The following SYN3 variants were observed in gnomAD, a reference collection of about 807,000 sequenced individuals.
SYN3 encodes synapsin-3.
Under a neutral mutation model 65.8 loss-of-function variants are expected in SYN3, and 35 were observed. That is an observed-to-expected ratio of 0.53 (90% CI 0.41 to 0.70). The LOEUF is 0.70. Ranked by LOEUF, SYN3 falls within the 30% of genes least tolerant of loss-of-function variation. SYN3 has a pLI of 0.00. For missense variants in SYN3, 680 were observed against 749.0 expected, an observed-to-expected ratio of 0.91 and a Z score of 1.08; for synonymous variants, 270 against 292.9, an observed-to-expected ratio of 0.92 and a Z score of 0.80.
intron 12 of SYN3, among the ~76,000 whole-genome samples, chr22:32,520,461 C>T (rs980004424): frequency 6.6e-6 from 1 of 151,996 alleles, no homozygotes; most frequent in Non-Finnish European, 1.5e-5. Flanking sequence ...AAACTGAGAC[C>T]CAGATATATT....
chr22:32,938,547 AAAAAGAAAAAGG>A (rs980070542), intron 3 of SYN3, among the ~76,000 whole-genome samples: 13 of 151,518 alleles, frequency 8.6e-5, no homozygotes, highest in African/African-American at 3.2e-4. Flanking sequence ...AAAAAAAAAG[AAAAAGAAAAAGG>A]AAAAGAAAAA....
At chr22:32,692,155 C>CAAAAAAAAAAAAAAAAAAAAAAGA (rs1188224009) in intron 6 of SYN3, among the ~76,000 whole-genome samples, 3 of 34,494 alleles carry the variant, frequency 8.7e-5, no homozygotes, top group Non-Finnish European at 1.3e-4. Context: ...GACAAAAAGA[C>CAAAAAAAAAAAAAAAAAAAAAAGA]AAAAAAAAAA....
At chr22:32,965,807 G>GC (rs996781876) in intron 3 of SYN3, among the ~76,000 whole-genome samples, 30 of 152,192 alleles carry the variant, frequency 2.0e-4, no homozygotes, top group Admixed American at 1.7e-3. Context: ...CCATTCTCCT[G>GC]CCTCAGCCTC....
At chr22:32,832,140 G>T (rs1314707525) in intron 6 of SYN3, among the ~76,000 whole-genome samples, 1 of 152,192 alleles carries the variant, frequency 6.6e-6, no homozygotes, top group Non-Finnish European at 1.5e-5. Flanking sequence ...CAGATCCCAG[G>T]CTGAGAAAGA....
chr22:32,757,926 G>A (rs189414138), intron 6 of SYN3, among the ~76,000 whole-genome samples: 27 of 152,300 alleles, frequency 1.8e-4, no homozygotes, highest in South Asian at 4.1e-4. Flanking sequence ...TACAAAATGC[G>A]TAGTAAAAGA....
Position 32,520,306 on chromosome 22 carries a change from C to CT in SYN3, c.1319-1973dup, listed in dbSNP as rs1204350525. Among the ~76,000 whole-genome samples, 260 of 145,056 alleles carry CT rather than the reference C, an allele frequency of 1.8e-3. 1 individual carries two copies. The highest frequency in any genetic ancestry group is 5.5e-3 in the African/African-American group (219 of 39,910). ...GCCCAACACCACTTTTTCTTTCTGC[C>CT]TTTTTTTTTTTGTAGAGATGGGGTG... On this transcript the variant is annotated intron_variant, in intron 12 of 13. Transcript: ENST00000358763.
chr22:32,989,577 G>A (rs182227108), intron 2 of SYN3, among the ~76,000 whole-genome samples: 2 of 152,286 alleles, frequency 1.3e-5, no homozygotes, highest in Admixed American at 1.3e-4. Flanking sequence ...GCTTATGCCT[G>A]TAATCCCAGC....
chr22:33,047,491 T>C (rs1392672888), intron 1 of SYN3, among the ~76,000 whole-genome samples: 1 of 152,160 alleles, frequency 6.6e-6, no homozygotes, highest in Non-Finnish European at 1.5e-5. Context: ...TTAATTCAGC[T>C]GTTGGTGCTT....
At chr22:32,743,156 T>C (rs2044825160) in intron 6 of SYN3, among the ~76,000 whole-genome samples, 1 of 152,226 alleles carries the variant, frequency 6.6e-6, no homozygotes, top group Non-Finnish European at 1.5e-5. Context: ...AGTTACCCCC[T>C]GAGTGAGTAT....
intron 3 of SYN3, among the ~76,000 whole-genome samples, chr22:32,948,150 A>G (rs749567034): frequency 2.9e-4 from 44 of 152,182 alleles, no homozygotes; most frequent in Non-Finnish European, 3.1e-4. Context: ...CCAGTATGAG[A>G]AAGTTCTCTG....
At chr22:32,572,279 C>CTT (rs2058772913) in intron 7 of SYN3, among the ~76,000 whole-genome samples, 1 of 104,248 alleles carries the variant, frequency 9.6e-6, no homozygotes, top group East Asian at 2.9e-4. Context: ...TCCCCCCTCC[C>CTT]TCCCTCCCTC....
chr22:32,767,374 T>C (rs2045655569), intron 6 of SYN3, among the ~76,000 whole-genome samples: 1 of 124,336 alleles, frequency 8.0e-6, no homozygotes, highest in Non-Finnish European at 1.6e-5. Flanking sequence ...TTCAAATGAT[T>C]GCTGGTGACT....
At chr22:32,949,716 C>CA (rs1340654628) in intron 3 of SYN3, among the ~76,000 whole-genome samples, 2 of 152,112 alleles carry the variant, frequency 1.3e-5, no homozygotes, top group Admixed American at 6.5e-5. Flanking sequence ...CTAATAATTG[C>CA]ATTTGCGATG....
chr22:32,867,499 T>C (rs1195678157), intron 5 of SYN3, among the ~76,000 whole-genome samples: 3 of 152,206 alleles, frequency 2.0e-5, no homozygotes, highest in African/African-American at 7.2e-5. Flanking sequence ...AATGAATGGA[T>C]AAATTTATCA....
Position 32,837,137 on chromosome 22 carries a change from G to A in SYN3, c.711+27778C>T, listed in dbSNP as rs1357686707. ...GCTCCTGAGATGTTGCCAGCTGTTT[G>A]GGCTTCAAAAATGCCCCGACCTGAA... On this transcript the variant is annotated intron_variant, in intron 6 of 13. Coordinates refer to ENST00000358763, the MANE Select transcript of SYN3 (RefSeq NM_003490.4). The surrounding 1 kb of genome is among the most constrained non-coding windows in gnomAD (Gnocchi z 4.1). Among the ~76,000 whole-genome samples the A allele has an allele frequency of 6.6e-6, 1 of 152,184 alleles. No individual in the cohort carries two copies. The highest frequency in any genetic ancestry group is 1.9e-4 in the East Asian group (1 of 5,194).
chr22:32,756,955 T>A (rs2045307341), intron 6 of SYN3, among the ~76,000 whole-genome samples: 1 of 152,166 alleles, frequency 6.6e-6, no homozygotes, highest in Non-Finnish European at 1.5e-5. Context: ...GCCATTGTCA[T>A]CAGTGACTTG....
At chr22:32,711,355 G>A (rs1299872434) in intron 6 of SYN3, among the ~76,000 whole-genome samples, 1 of 152,212 alleles carries the variant, frequency 6.6e-6, no homozygotes, top group East Asian at 1.9e-4. Context: ...TTGGGAACAA[G>A]AAAATAATTC....
At chr22:32,628,289 G>C (rs2146798891) in intron 6 of SYN3, among the ~76,000 whole-genome samples, 1 of 152,236 alleles carries the variant, frequency 6.6e-6, no homozygotes, top group South Asian at 2.1e-4. Context: ...AGTGTTTCTA[G>C]AAGCTTCCAT....
chr22:32,940,503 C>T (rs897031547), intron 3 of SYN3, among the ~76,000 whole-genome samples: 2 of 152,096 alleles, frequency 1.3e-5, no homozygotes, highest in African/African-American at 2.4e-5. Flanking sequence ...GAGTATTTCA[C>T]ATTTACGTCT....
Sources: gnomAD v4.1 joint callset for allele counts (sites outside exome capture counted in the v4.1 genomes callset) on GRCh38, gnomAD v4.1.1 for gene constraint, Gnocchi (gnomAD v3.1) non-coding constraint, MANE v1.5 for transcripts, NCBI Gene and HGNC (gene_info 2026-07-23, HGNC 2026-07-21) for gene names.